Variants in GPC6 observed in about 807,000 individuals in gnomAD.
The protein encoded by GPC6 is glypican-6.
In GPC6, 14 loss-of-function variants were observed where a neutral mutation model predicts 55.2. The ratio of observed to expected loss-of-function variants is 0.25; its 90% confidence interval spans 0.17 to 0.40. The LOEUF is 0.40. GPC6 is among the 10% of genes least tolerant of loss of function. GPC6 has a pLI of 1.00. For synonymous variants in GPC6, 278 were observed against 259.6 expected (o/e 1.07, Z -0.68); for missense variants, 641 against 708.5 (o/e 0.90, Z 1.08).
chr13:93,305,963 A>G (rs1878843460), intron 1 of GPC6, among the ~76,000 whole-genome samples: 1 of 152,234 alleles, frequency 6.6e-6, no homozygotes, highest in Non-Finnish European at 1.5e-5. Flanking sequence ...GCAGATTACC[A>G]AAAGATTAAG....
chr13:94,362,324 T>C (rs1263425859), intron 6 of GPC6, among the ~76,000 whole-genome samples: 3 of 152,192 alleles, frequency 2.0e-5, no homozygotes, highest in Non-Finnish European at 2.9e-5. Context: ...TCTTAAAACT[T>C]GTACAGTCAG....
chr13:93,223,018 A>ATTTTTTTTTTTTTTTTTTTTTTTT (rs1875661668), upstream of GPC6, among the ~76,000 whole-genome samples: 1 of 48,284 alleles, frequency 2.1e-5, no homozygotes, highest in African/African-American at 7.2e-5. Context: ...CAGGGAAAAC[A>ATTTTTTTTTTTTTTTTTTTTTTTT]CTTTTTTTTT....
chr13:93,780,809 T>A (rs1334922886), intron 2 of GPC6, among the ~76,000 whole-genome samples: 1 of 152,218 alleles, frequency 6.6e-6, no homozygotes, highest in Non-Finnish European at 1.5e-5. Flanking sequence ...TTATGCTTCC[T>A]GTGATAGTAA....
intron 3 of GPC6, among the ~76,000 whole-genome samples, chr13:93,908,250 A>G (rs1413239588): frequency 6.6e-6 from 1 of 152,218 alleles, no homozygotes; most frequent in East Asian, 1.9e-4. Flanking sequence ...TAAAAGAGAA[A>G]GGAATAAATT....
chr13:93,486,873 A>T (rs1345722372), intron 1 of GPC6, among the ~76,000 whole-genome samples: 2 of 151,162 alleles, frequency 1.3e-5, no homozygotes, highest in South Asian at 4.3e-4. Context: ...TGAACCAGGG[A>T]GTTGGAGGTT....
rs533517238 is a variant in GPC6, at chr13:93,247,732, C to T, written c.160+20116C>T. On this transcript the variant is annotated intron_variant, in intron 1 of 8. Transcript: ENST00000377047. Reference sequence around the variant, plus strand: ...ATGGCAAATCATATGTCATCAACAACACACCTATTATGAATAATCTATTTT... The same window carrying T: ...ATGGCAAATCATATGTCATCAACAATACACCTATTATGAATAATCTATTTT... Among the ~76,000 whole-genome samples the T allele has an allele frequency of 1.7e-4, 26 of 152,210 alleles. No individual in the cohort carries two copies. In the East Asian group the frequency reaches 5.0e-3, roughly 29 times the overall value.
chr13:93,497,564 A>T (rs766387069), intron 1 of GPC6, among the ~76,000 whole-genome samples: 2 of 152,250 alleles, frequency 1.3e-5, no homozygotes, highest in Non-Finnish European at 2.9e-5. Context: ...GTCAGTTAAC[A>T]GGGATGTATG....
chr13:93,505,952 T>C (rs1372890256), intron 1 of GPC6, among the ~76,000 whole-genome samples: 1 of 152,210 alleles, frequency 6.6e-6, no homozygotes, highest in Non-Finnish European at 1.5e-5. Context: ...AATAGACTCG[T>C]TATTCCCATT....
intron 3 of GPC6, among the ~76,000 whole-genome samples, chr13:93,871,915 A>C (rs967703815): frequency 1.3e-5 from 2 of 151,890 alleles, no homozygotes; most frequent in Non-Finnish European, 2.9e-5. Flanking sequence ...AAGATTTTGC[A>C]TTTCATTTTC....
chr13:93,927,101 T>G (rs1251833514), intron 3 of GPC6, among the ~76,000 whole-genome samples: 5 of 152,180 alleles, frequency 3.3e-5, no homozygotes, highest in East Asian at 1.9e-4. Context: ...CGAAATAGAT[T>G]AATGTTTCTA....
intron 2 of GPC6, among the ~76,000 whole-genome samples, chr13:93,821,618 T>A (rs1887048836): frequency 6.6e-6 from 1 of 152,208 alleles, no homozygotes; most frequent in Non-Finnish European, 1.5e-5. Context: ...CAACTGTAAA[T>A]AACATCCTTT....
intron 1 of GPC6, among the ~76,000 whole-genome samples, chr13:93,363,251 G>A (rs1371614236): frequency 4.0e-5 from 6 of 151,246 alleles, no homozygotes; most frequent in African/African-American, 7.3e-5. Flanking sequence ...ATCATCTAGC[G>A]TTAGGTATAT....
intron 6 of GPC6, among the ~76,000 whole-genome samples, chr13:94,367,798 T>TTATA (rs1594211446): frequency 2.0e-5 from 3 of 152,166 alleles, no homozygotes; most frequent in Admixed American, 2.0e-4. Flanking sequence ...TTTAAAATTT[T>TTATA]TATTTATATC....
chr13:94,338,896 A>C (rs9524445), intron 6 of GPC6, among the ~76,000 whole-genome samples: 34,091 of 152,032 alleles, frequency 0.22, 4,513 homozygotes, highest in Middle Eastern at 0.39. Context: ...CGAGCTGGTC[A>C]GCTTTCTATC....
rs534239782 is a variant in GPC6, at chr13:93,544,071, C to CT, written c.161-1182dup. ...TCCCGGATGATTAGTCACGGTGAGC[C>CT]TTTTTTTTTTGTTGTAATTGTTGGA... is the stretch of plus-strand genomic sequence containing the variant. On this transcript the variant is annotated intron_variant, in intron 1 of 8. Transcript: ENST00000377047. Among the ~76,000 whole-genome samples, 434 of 144,622 alleles carry CT rather than the reference C, an allele frequency of 3.0e-3. 2 individuals carry two copies. Among genetic ancestry groups the CT allele is most frequent in the African/African-American group, 9.8e-3 (386 of 39,542 alleles). 94.9% of individuals were successfully genotyped at this position (144,622 alleles called of 152,430 possible). A position where few individuals can be genotyped will look rare whatever the true frequency, so the allele number is the denominator to read the frequency against.
intron 4 of GPC6, among the ~76,000 whole-genome samples, chr13:94,096,034 G>A (rs1041153503): frequency 1.3e-5 from 2 of 152,040 alleles, no homozygotes; most frequent in Non-Finnish European, 2.9e-5. Flanking sequence ...AATATGTAGG[G>A]GAAATAAGCA....
At chr13:93,578,144 T>C (rs1480523442) in intron 2 of GPC6, among the ~76,000 whole-genome samples, 1 of 152,134 alleles carries the variant, frequency 6.6e-6, no homozygotes, top group African/African-American at 2.4e-5. Context: ...TCATCAATAA[T>C]ATTGGCCTGC....
chr13:94,064,062 C>T (rs575181270), intron 4 of GPC6, among the ~76,000 whole-genome samples: 3 of 152,210 alleles, frequency 2.0e-5, no homozygotes, highest in South Asian at 2.1e-4. Context: ...ATGGTTAGTA[C>T]GTAGATGAGA....
rs148636352 is a variant in GPC6, at chr13:94,198,061, A to T, written c.878-88288A>T. ...TAGCATGACATGTAGCACTGATCAA[A>T]TTATATTTCCCACTGATCAAATTAT... is the stretch of plus-strand genomic sequence containing the variant. On this transcript the variant is annotated intron_variant, in intron 4 of 8. Transcript: ENST00000377047. 3.3e-5 allele frequency among the ~76,000 whole-genome samples: 5 copies of T among 152,354 alleles called. No homozygotes were observed. The East Asian group carries it at 9.6e-4, about 29-fold the overall frequency.
Sources: allele counts gnomAD v4.1 joint callset (sites outside exome capture counted in the v4.1 genomes callset), GRCh38; gene constraint gnomAD v4.1.1; transcripts MANE v1.5; gene names NCBI Gene and HGNC (gene_info 2026-07-23, HGNC 2026-07-21).